SH3PXD2B: variants seen among roughly 807,000 people sequenced by gnomAD.
SH3PXD2B encodes SH3 and PX domains 2B, also known as SH3 and PX domain-containing protein 2B.
In SH3PXD2B, 37 loss-of-function variants were observed where a neutral mutation model predicts 73.1. The observed-to-expected ratio is 0.51, with a 90% CI of 0.39 to 0.67. The LOEUF is 0.67. Ranked by LOEUF, SH3PXD2B falls within the 30% of genes least tolerant of loss-of-function variation. The pLI is 0.00. For synonymous variants in SH3PXD2B, 457 were observed against 480.5 expected, an observed-to-expected ratio of 0.95 and a Z score of 0.64; for missense variants, 1,053 against 1,197.8, an observed-to-expected ratio of 0.88 and a Z score of 1.78.
At chr5:172,331,461 G>A (rs1292248084), downstream of SH3PXD2B, among the ~76,000 whole-genome samples, 3 of 152,158 alleles carry the variant, frequency 2.0e-5, no homozygotes, top group Non-Finnish European at 4.4e-5. Flanking sequence ...ATTAGGAAGC[G>A]TGAGTTGCAA....
At chr5:172,410,606 T>G (rs1407316765) in intron 2 of SH3PXD2B, among the ~76,000 whole-genome samples, 1 of 152,118 alleles carries the variant, frequency 6.6e-6, no homozygotes, top group Non-Finnish European at 1.5e-5. Context: ...CTCTAAAAAC[T>G]AAAGTTTACT....
chr5:172,439,675 C>A (rs111673821), intron 1 of SH3PXD2B, among the ~76,000 whole-genome samples: 5 of 112,686 alleles, frequency 4.4e-5, no homozygotes, highest in Admixed American at 9.7e-5. Flanking sequence ...TGTGTGCGTG[C>A]GTGCGCGCAC....
chr5:172,390,815 T>TTGTGTGTGTGTGTG (rs56116617), intron 4 of SH3PXD2B, among the ~76,000 whole-genome samples: 16 of 140,002 alleles, frequency 1.1e-4, no homozygotes, highest in African/African-American at 2.7e-4. Context: ...TTCCCGTCTT[T>TTGTGTGTGTGTGTG]TGTGTGTGTG....
chr5:172,452,665 T>C (rs1225370355), intron 1 of SH3PXD2B, among the ~76,000 whole-genome samples: 1 of 152,152 alleles, frequency 6.6e-6, no homozygotes, highest in East Asian at 1.9e-4. Flanking sequence ...TCGGTGGCAG[T>C]ATCTATTCTC....
At chr5:172,425,169 T>C (rs1759065826) in intron 1 of SH3PXD2B, among the ~76,000 whole-genome samples, 1 of 152,056 alleles carries the variant, frequency 6.6e-6, no homozygotes, top group African/African-American at 2.4e-5. Flanking sequence ...TCCACCCTGC[T>C]TCACCGAGAC....
intron 5 of SH3PXD2B, among the ~76,000 whole-genome samples, chr5:172,379,020 A>G (rs1380654580): frequency 6.7e-6 from 1 of 149,568 alleles, no homozygotes; most frequent in East Asian, 2.0e-4. Flanking sequence ...CAGTGAGCCA[A>G]GATCGCGCCA....
At chr5:172,373,883 T>C (rs985806182) in intron 5 of SH3PXD2B, 68 bp from the exon 6 acceptor site, 36 of 1,571,144 alleles carry the variant, frequency 2.3e-5, no homozygotes, top group South Asian at 2.0e-4. Context: ...ACGTGAGTTA[T>C]TCTGCCGGGA....
chr5:172,326,036 C>T (rs180849986), intron 12 of SH3PXD2B, among the ~76,000 whole-genome samples: 74 of 152,352 alleles, frequency 4.9e-4, no homozygotes, highest in African/African-American at 1.7e-3. Context: ...ATCCGCCTGC[C>T]TCAGCCTCCC....
chr5:172,395,940 A>C lies in SH3PXD2B; in HGVS notation c.233-1301T>G, dbSNP rs1758284216. ...TCCTAGGAGGTTGGTTAAAAAGAGG[A>C]ATTTGGGTCAAGAGGCTGGCAAGGT... is the stretch of plus-strand genomic sequence containing the variant. On this transcript the variant is annotated intron_variant, in intron 3 of 12. Coordinates refer to ENST00000311601, the MANE Select transcript of SH3PXD2B (RefSeq NM_001017995.3). Among the ~76,000 whole-genome samples, 3 of 152,038 alleles carry C rather than the reference A, an allele frequency of 2.0e-5. No homozygotes were observed. The South Asian group carries it at 6.2e-4, about 32-fold the overall frequency.
intron 6 of SH3PXD2B, among the ~76,000 whole-genome samples, chr5:172,366,932 ATTTTTTTTT>A (rs1262636786): frequency 2.7e-5 from 2 of 75,094 alleles, no homozygotes; most frequent in African/African-American, 1.0e-4. Flanking sequence ...GTGCCCGGCC[ATTTTTTTTT>A]TTTTTTTTTT....
intron 4 of SH3PXD2B, among the ~76,000 whole-genome samples, chr5:172,386,258 T>A (rs1008763036): frequency 2.0e-5 from 3 of 152,210 alleles, no homozygotes; most frequent in African/African-American, 7.2e-5. Context: ...TTGTATGGTT[T>A]CCATCATATA....
chr5:172,386,141 C>G (rs567248434), intron 4 of SH3PXD2B, among the ~76,000 whole-genome samples: 2 of 152,230 alleles, frequency 1.3e-5, no homozygotes, highest in African/African-American at 2.4e-5. Flanking sequence ...CTGTGAGATT[C>G]TGGCCAAGTC....
At chr5:172,430,514 G>A (rs963304320) in intron 1 of SH3PXD2B, among the ~76,000 whole-genome samples, 3 of 152,246 alleles carry the variant, frequency 2.0e-5, no homozygotes, top group African/African-American at 7.2e-5. Context: ...GCCTCAGTCT[G>A]AATGGAAGGG....
intron 5 of SH3PXD2B, among the ~76,000 whole-genome samples, chr5:172,379,313 T>TAAAAAAAAA (rs11346663): frequency 8.9e-6 from 1 of 112,860 alleles, no homozygotes; most frequent in Non-Finnish European, 1.9e-5. Flanking sequence ...TACAAAAAAT[T>TAAAAAAAAA]AAAAAAAAAA....
At chr5:172,344,775 G>T (rs1756952031) in intron 12 of SH3PXD2B, among the ~76,000 whole-genome samples, 1 of 152,106 alleles carries the variant, frequency 6.6e-6, no homozygotes, top group Non-Finnish European at 1.5e-5. Context: ...TCCTTCTAGT[G>T]AAACATGAAG....
intron 8 of SH3PXD2B, among the ~76,000 whole-genome samples, chr5:172,355,628 T>A (rs1757255245): frequency 6.6e-6 from 1 of 151,460 alleles, no homozygotes; most frequent in Non-Finnish European, 1.5e-5. Flanking sequence ...CACTGCAAAC[T>A]CCGCCTCCCG....
chr5:172,436,752 C>G (rs1457819602), intron 1 of SH3PXD2B, among the ~76,000 whole-genome samples: 2 of 152,244 alleles, frequency 1.3e-5, no homozygotes, highest in Non-Finnish European at 1.5e-5. Flanking sequence ...TACACAGCTT[C>G]TGCAGCGGGT....
At chr5:172,403,900 C>G (rs7720749) in intron 3 of SH3PXD2B, among the ~76,000 whole-genome samples, 64,854 of 152,114 alleles carry the variant, frequency 0.43, 15,062 homozygotes, top group East Asian at 0.66. Flanking sequence ...TGAAGCAGGG[C>G]TCACTGTCCC....
intron 3 of SH3PXD2B, among the ~76,000 whole-genome samples, chr5:172,402,986 G>A (rs1393430996): frequency 6.6e-6 from 1 of 152,260 alleles, no homozygotes; most frequent in African/African-American, 2.4e-5. Context: ...GAACCGTGAG[G>A]CCAGTGGTAG....
Sources: gnomAD v4.1 joint callset for allele counts (sites outside exome capture counted in the v4.1 genomes callset) on GRCh38, gnomAD v4.1.1 for gene constraint, MANE v1.5 for transcripts, NCBI Gene and HGNC (gene_info 2026-07-23, HGNC 2026-07-21) for gene names.